The following DIS3L2 variants were observed in gnomAD, a reference collection of about 807,000 sequenced individuals.
DIS3L2 encodes DIS3 like 3'-5' exoribonuclease 2.
A neutral mutation model predicts 97.5 loss-of-function variants in DIS3L2; 34 were observed. The observed-to-expected ratio is 0.35, with a 90% confidence interval of 0.27 to 0.46. The LOEUF is 0.46. Ranked by LOEUF, DIS3L2 falls within the 20% of genes least tolerant of loss-of-function variation. The pLI, the probability that DIS3L2 is intolerant of heterozygous loss-of-function variation, is 1.00. For synonymous variants in DIS3L2, 435 were observed against 445.2 expected (o/e 0.98, Z 0.29); for missense variants, 1,038 against 1,146.0 (o/e 0.91, Z 1.36).
At chr2:232,001,954 C>A (rs543439812) in intron 1 of DIS3L2, among the ~76,000 whole-genome samples, 1 of 152,218 alleles carries the variant, frequency 6.6e-6, no homozygotes, top group East Asian at 1.9e-4. Context: ...CTCCTGACCT[C>A]AGGTGATCCA....
intron 5 of DIS3L2, among the ~76,000 whole-genome samples, chr2:232,030,805 T>C (rs1694784534): frequency 6.6e-6 from 1 of 152,150 alleles, no homozygotes; most frequent in South Asian, 2.1e-4. Context: ...TTATTTGGCT[T>C]TTTTGTTTTA....
chr2:232,049,635 T>C (rs984264474), intron 5 of DIS3L2, among the ~76,000 whole-genome samples: 2 of 152,214 alleles, frequency 1.3e-5, no homozygotes, highest in Non-Finnish European at 2.9e-5. Context: ...AGGGAAAACC[T>C]GAGACACAGG....
At chr2:231,984,384 C>CTT (rs1297535054) in intron 1 of DIS3L2, among the ~76,000 whole-genome samples, 49 of 126,002 alleles carry the variant, frequency 3.9e-4, no homozygotes, top group South Asian at 5.2e-4. Context: ...ACTGCAACTT[C>CTT]TTTTTTTTTT....
At chr2:232,235,903 C>T (rs1462444762) in intron 10 of DIS3L2, among the ~76,000 whole-genome samples, 1 of 152,246 alleles carries the variant, frequency 6.6e-6, no homozygotes, top group Non-Finnish European at 1.5e-5. Flanking sequence ...AGCGACACAG[C>T]TGCGTGCCTG....
intron 5 of DIS3L2, among the ~76,000 whole-genome samples, chr2:232,052,716 T>C (rs1175821237): frequency 6.6e-6 from 1 of 152,248 alleles, no homozygotes; most frequent in Non-Finnish European, 1.5e-5. Context: ...CTTTCTAGAC[T>C]GGTTTCACAG....
intron 18 of DIS3L2, 31 bp downstream of exon 18, chr2:232,334,530 C>A (rs1171590533): frequency 1.2e-6 from 2 of 1,611,726 alleles, no homozygotes; most frequent in African/African-American, 1.3e-5. Flanking sequence ...CCCCTCACCT[C>A]CCTCTGGCTC....
chr2:232,213,682 T>C (rs1385780001), intron 10 of DIS3L2, among the ~76,000 whole-genome samples: 4 of 150,846 alleles, frequency 2.7e-5, no homozygotes, highest in African/African-American at 9.7e-5. Flanking sequence ...TTTTTTTTTT[T>C]TTTAAGTGTA....
intron 13 of DIS3L2, among the ~76,000 whole-genome samples, chr2:232,266,853 T>C (rs558364505): frequency 2.2e-4 from 33 of 152,282 alleles, no homozygotes; most frequent in Middle Eastern, 3.4e-3. Flanking sequence ...CAATTAGAGA[T>C]GAGTCTGTGC....
chr2:232,318,937 C>G (rs1420589075), intron 14 of DIS3L2, among the ~76,000 whole-genome samples: 1 of 152,248 alleles, frequency 6.6e-6, no homozygotes. Flanking sequence ...ACCCCAGGAG[C>G]ATTCCAGATA....
chr2:232,047,498 CACTT>C (rs1271508424), intron 5 of DIS3L2, among the ~76,000 whole-genome samples: 3 of 152,196 alleles, frequency 2.0e-5, no homozygotes, highest in Admixed American at 1.3e-4. Flanking sequence ...TTCATTCAGA[CACTT>C]TCTTTGGTAA....
chr2:232,054,098 G>T (rs992840138), intron 5 of DIS3L2, among the ~76,000 whole-genome samples: 1 of 152,044 alleles, frequency 6.6e-6, no homozygotes, highest in Non-Finnish European at 1.5e-5. Context: ...AAATTCCTGG[G>T]GTTTTTAGGA....
chr2:231,984,712 C>T (rs1410570546), intron 1 of DIS3L2, among the ~76,000 whole-genome samples: 2 of 152,066 alleles, frequency 1.3e-5, no homozygotes, highest in African/African-American at 4.8e-5. Flanking sequence ...TTCTATCTCC[C>T]AGGTTCAAGC....
intron 14 of DIS3L2, among the ~76,000 whole-genome samples, chr2:232,310,813 G>A (rs1485166630): frequency 6.6e-6 from 1 of 152,256 alleles, no homozygotes; most frequent in African/African-American, 2.4e-5. Context: ...CATGGGTCCA[G>A]GAGCAGGGAG....
At chr2:232,158,512 A>G (rs559550945) in intron 8 of DIS3L2, among the ~76,000 whole-genome samples, 40 of 152,316 alleles carry the variant, frequency 2.6e-4, no homozygotes, top group Non-Finnish European at 3.8e-4. Context: ...TTTGTTGGAC[A>G]TACTAAGTCC....
At chr2:232,183,163 A>G (rs559401385) in intron 9 of DIS3L2, among the ~76,000 whole-genome samples, 1 of 152,364 alleles carries the variant, frequency 6.6e-6, no homozygotes, top group Non-Finnish European at 1.5e-5. Flanking sequence ...GGCCTTCATC[A>G]GATATTGATT....
Position 231,980,381 on chromosome 2 carries a change from A to AT in DIS3L2, c.-94+18624dup, listed in dbSNP as rs980942360. On this transcript the variant is annotated intron_variant, in intron 1 of 20. Coordinates refer to ENST00000325385, the MANE Select transcript of DIS3L2 (RefSeq NM_152383.5). The stretch of plus-strand genomic sequence containing the variant: ...GAAATGCCTGTTCAGATCCTTTCCC[A>AT]TTTTTTTTCATTTGATTTTTAAGAT... Among the ~76,000 whole-genome samples, 3 of 150,778 alleles carry AT rather than the reference A, an allele frequency of 2.0e-5. No homozygotes were observed. The East Asian group carries it at 5.8e-4, about 29-fold the overall frequency.
intron 5 of DIS3L2, among the ~76,000 whole-genome samples, chr2:232,055,858 C>T (rs936138816): frequency 4.6e-5 from 7 of 152,164 alleles, no homozygotes; most frequent in African/African-American, 1.7e-4. Flanking sequence ...CAGTGCACTG[C>T]AGTGGAGGAA....
At position 232,072,439 on chromosome 2, in the gene DIS3L2, G is replaced by A. The variant is rs919567328; in HGVS notation, c.367-15048G>A. 2.6e-5 allele frequency among the ~76,000 whole-genome samples: 4 copies of A among 152,264 alleles called. No homozygotes were observed. The East Asian group carries it at 5.8e-4, about 22-fold the overall frequency. ...GCAGTGCGTTCCTAGTGTGCTCAAGGAATAGCAAAGGGGCTGAGGTAGAGA... is the reference window on the plus strand; with the variant it reads ...GCAGTGCGTTCCTAGTGTGCTCAAGAAATAGCAAAGGGGCTGAGGTAGAGA... On this transcript the variant is annotated intron_variant, in intron 5 of 20. Coordinates refer to ENST00000325385, the MANE Select transcript of DIS3L2 (RefSeq NM_152383.5).
intron 10 of DIS3L2, among the ~76,000 whole-genome samples, chr2:232,211,684 C>G (rs1692194911): frequency 6.6e-6 from 1 of 152,170 alleles, no homozygotes; most frequent in Non-Finnish European, 1.5e-5. Context: ...CAAAGATGTT[C>G]ATATTTCCCA....
Sources: gnomAD v4.1 joint callset for allele counts (sites outside exome capture counted in the v4.1 genomes callset) on GRCh38, gnomAD v4.1.1 for gene constraint, MANE v1.5 for transcripts, NCBI Gene and HGNC (gene_info 2026-07-23, HGNC 2026-07-21) for gene names.